Variants in NUDT22 observed in about 807,000 individuals in gnomAD.
NUDT22 encodes the protein uridine diphosphate glucose pyrophosphatase NUDT22.
Under a neutral mutation model 28.8 loss-of-function variants are expected in NUDT22, and 23 were observed. That is an observed-to-expected ratio of 0.80 (90% CI 0.58 to 1.13). NUDT22 has a LOEUF of 1.13. Ranked by LOEUF, NUDT22 falls within the 50% of genes most tolerant of loss-of-function variation. The probability of loss-of-function intolerance (pLI) is 0.00; values close to 1 mark genes in which losing one functional copy is unlikely to be tolerated. For missense variants in NUDT22, 358 were observed against 387.3 expected, an observed-to-expected ratio of 0.92 and a Z score of 0.64; for synonymous variants, 175 against 173.7, an observed-to-expected ratio of 1.01 and a Z score of -0.06.
In NUDT22 at chr11:64,226,420, T is replaced by A; in HGVS notation, c.-26T>A. On this transcript the variant is annotated 5_prime_UTR_variant, in exon 1 of 6. Transcript: ENST00000279206. ...ATTTGGGGCGCCTGAACCCAAGACCTCTGGATGGTAGGGATGCCCGGGCGT... is the reference window on the plus strand; with the variant it reads ...ATTTGGGGCGCCTGAACCCAAGACCACTGGATGGTAGGGATGCCCGGGCGT... 7.3e-7 allele frequency: 1 copy of A among 1,369,342 alleles called. No individual in the cohort carries two copies. Among genetic ancestry groups the A allele is most frequent in the Non-Finnish European group, 9.4e-7 (1 of 1,067,826 alleles). The allele number at this position is 1,369,342 out of a possible 1,614,324, so 84.8% of individuals were successfully genotyped here.
intron 5 of NUDT22, 127 bp from the exon 6 acceptor site, chr11:64,229,723 A>G: frequency 7.2e-7 from 1 of 1,383,706 alleles, no homozygotes; most frequent in East Asian, 2.3e-5. Flanking sequence ...GTCCAGGGAC[A>G]TGTTCAGCCC....
In NUDT22 at chr11:64,227,592, C is replaced by G. The variant is rs957431243; in HGVS notation, c.505C>G (p.Gln169Glu). 2 of 1,613,822 alleles carry G rather than the reference C, an allele frequency of 1.2e-6. No individual in the cohort carries two copies. Among genetic ancestry groups the G allele is most frequent in the African/African-American group, 2.7e-5 (2 of 74,934 alleles). ...PQALCPGGSPQHQDLAGQLVV... is the reference protein window; with the variant it reads ...PQALCPGGSPEHQDLAGQLVV... ...GGCCCTGTGCCCTGGTGGCAGCCCC[C>G]AGCACCAGGACCTCGCTGGGCAGCT... is the stretch of plus-strand genomic sequence containing the variant. Residue 169 changes from glutamine to glutamate, a missense_variant, in exon 3 of 6, where the codon CAG becomes GAG. Physicochemically the swap from Gln to Glu is conservative, Grantham distance 29. Coordinates refer to ENST00000279206, the MANE Select transcript of NUDT22 (RefSeq NM_032344.4).
rs746071487 is a variant in NUDT22 at position 64,229,554 on chromosome 11, T to C, written c.754T>C (p.Phe252Leu). The change falls in exon 5 of 6, where the codon TTC becomes CTC. Residue 252 changes from phenylalanine to leucine, a missense_variant. Transcript: ENST00000279206. ...CGAGGCCCACGAGTCTACAGGAATC[T>C]TCTTTGTGGAGACACAGGTGCAGAG... ...GPEAHESTGI[F>L]FVETQNVQRL... 1 of 1,614,006 alleles carries C rather than the reference T, an allele frequency of 6.2e-7. No individual in the cohort carries two copies. The highest frequency in any genetic ancestry group is 1.1e-5 in the South Asian group (1 of 91,088).
At chr11:64,230,170 T>C (rs1235609872), downstream of NUDT22, 1 of 777,424 alleles carries the variant, frequency 1.3e-6, no homozygotes, top group South Asian at 1.5e-5. Context: ...CTCCCTTTCT[T>C]TGCTGGCTCC....
chr11:64,229,852 C>A lies in NUDT22; in HGVS notation c.774C>A (p.Asn258Lys). 1 of 1,613,226 alleles carries A rather than the reference C, an allele frequency of 6.2e-7. No individual in the cohort carries two copies. The highest frequency in any genetic ancestry group is 1.3e-5 in the African/African-American group (1 of 75,038). ...STGIFFVETQ[N>K]VQRLLETEMW... is the part of the protein sequence containing the mutation. ...TGGGTCTCGTTGTCTCCCCACAGAACGTGCAGAGATTGCTCGAGACGGAGA... is the reference window on the plus strand; with the variant it reads ...TGGGTCTCGTTGTCTCCCCACAGAAAGTGCAGAGATTGCTCGAGACGGAGA... Residue 258 changes from asparagine (N) to lysine (K), a missense_variant and splice_region_variant, in exon 6 of 6, where the codon AAC (asparagine) becomes AAA (lysine). Transcript: ENST00000279206.
At position 64,227,832 on chromosome 11, in the gene NUDT22, C is replaced by T. The variant is rs139349192; in HGVS notation, c.579+166C>T. On this transcript the variant is annotated intron_variant, in intron 3 of 5. Transcript: ENST00000279206. ...ATACTTGGAGTGGAATTCTAGCCCTCAGTACCCTCTGCCTTGGATTCTTCT... is the reference window on the plus strand; with the variant it reads ...ATACTTGGAGTGGAATTCTAGCCCTTAGTACCCTCTGCCTTGGATTCTTCT... 472 of 608,872 alleles carry T rather than the reference C, an allele frequency of 7.8e-4. 3 individuals carry two copies. In the East Asian group the frequency reaches 0.013, roughly 16 times the overall value. 37.7% of individuals were successfully genotyped at this position (608,872 alleles called of 1,614,324 possible). A position where few individuals can be genotyped will look rare whatever the true frequency, so the allele number is the denominator to read the frequency against.
chr11:64,229,755 C>T, intron 5 of NUDT22, 95 bp from the exon 6 acceptor site: 5 of 1,516,382 alleles, frequency 3.3e-6, no homozygotes, highest in Non-Finnish European at 4.5e-6. Flanking sequence ...TCCCTAAGGA[C>T]AGTGCAGAGG....
chr11:64,228,355 C>A (rs949651776), intron 3 of NUDT22, among the ~76,000 whole-genome samples: 1 of 151,904 alleles, frequency 6.6e-6, no homozygotes, highest in Non-Finnish European at 1.5e-5. Context: ...CTTGCCTACT[C>A]CCCAAGTCTG....
intron 3 of NUDT22, chr11:64,227,888 T>TAGAC (rs1947087320): frequency 2.0e-6 from 1 of 503,120 alleles, no homozygotes; most frequent in East Asian, 3.6e-5. Flanking sequence ...TTTTTTTTTT[T>TAGAC]AGACAGAGTC....
Position 64,229,248 on chromosome 11 carries a change from T to G in NUDT22, c.581T>G (p.Val194Gly). The G allele has an allele frequency of 6.4e-7, 1 of 1,569,316 alleles. No individual in the cohort carries two copies. The change falls in exon 4 of 6, where the codon GTG (valine) becomes GGG (glycine). Residue 194 changes from valine to glycine, a missense_variant and splice_region_variant. Val to Gly is a moderately radical substitution (Grantham distance 109). Coordinates refer to ENST00000279206, the MANE Select transcript of NUDT22 (RefSeq NM_032344.4). ...SSVLQEICDE[V>G]NLPLLTLSQP... ...CCCCCACCCCACCCTCCACCGCAGGTGAACCTGCCGCTGCTCACCCTGAGC... is the reference window on the plus strand; with the variant it reads ...CCCCCACCCCACCCTCCACCGCAGGGGAACCTGCCGCTGCTCACCCTGAGC...
intron 3 of NUDT22, 55 bp downstream of exon 3, chr11:64,227,721 T>C: frequency 6.9e-7 from 1 of 1,445,090 alleles, no homozygotes; most frequent in Non-Finnish European, 9.7e-7. Context: ...GGGTAGGACT[T>C]GCCAGAATTC....
rs1406386594 is a variant in NUDT22 at position 64,226,877 on chromosome 11, G to T, written c.225G>T (p.Gly75=). 1 of 1,605,118 alleles carries T rather than the reference G, an allele frequency of 6.2e-7. No homozygotes were observed. Among genetic ancestry groups the T allele is most frequent in the East Asian group, 2.2e-5 (1 of 44,880 alleles). The change falls in exon 2 of 6, where the codon GGG becomes GGT. Residue 75 remains glycine, a synonymous_variant. Transcript: ENST00000279206. The part of the protein sequence containing the change: ...SATLAPIGSR[G]PQLLLRLGLT... The stretch of plus-strand genomic sequence containing the variant: ...CCCTGGCGCCTATTGGCTCTCGGGG[G>T]CCACAGCTGCTCCTGCGCCTGGGCC...
downstream of NUDT22, chr11:64,230,020 C>T: frequency 6.2e-7 from 1 of 1,605,398 alleles, no homozygotes; most frequent in Non-Finnish European, 8.5e-7. Context: ...TCTTGGATTC[C>T]GTTGGCATCT....
At chr11:64,229,667 C>T (rs1163259185) in intron 5 of NUDT22, 96 bp downstream of exon 5, 33 of 1,377,524 alleles carry the variant, frequency 2.4e-5, no homozygotes, top group Non-Finnish European at 3.0e-5. Flanking sequence ...GGCTGGGTCA[C>T]AATTCCCTCC....
At position 64,226,321 on chromosome 11, in the gene NUDT22, G is replaced by A; in HGVS notation, c.-125G>A. 1 of 1,144,744 alleles carries A rather than the reference G, an allele frequency of 8.7e-7. No individual in the cohort carries two copies. Among genetic ancestry groups the A allele is most frequent in the Non-Finnish European group, 1.1e-6 (1 of 911,322 alleles). The allele number at this position is 1,144,744 out of a possible 1,614,324, so 70.9% of individuals were successfully genotyped here. On this transcript the variant is annotated 5_prime_UTR_variant, in exon 1 of 6. Transcript: ENST00000279206. ...TGGTGAGCGCCCGCTGGAGGCTGGA[G>A]CTTCCGGGCCCTGGAAAGGGGTCCC...
Position 64,227,606 on chromosome 11 carries a change from C to T in NUDT22, c.519C>T (p.Leu173=), listed in dbSNP as rs151057740. 2.9e-5 allele frequency: 46 copies of T among 1,613,884 alleles called. No homozygotes were observed. The highest frequency in any genetic ancestry group is 2.7e-4 in the Admixed American group (16 of 60,016). ...CPGGSPQHQD[L]AGQLVVHELF... ...GTGGCAGCCCCCAGCACCAGGACCT[C>T]GCTGGGCAGCTGGTGGTACATGAAC... The change falls in exon 3 of 6, where the codon CTC becomes CTT. Residue 173 remains leucine (L), a synonymous_variant. Coordinates refer to ENST00000279206, the MANE Select transcript of NUDT22 (RefSeq NM_032344.4).
chr11:64,227,713 G>A (rs188629016), intron 3 of NUDT22, 47 bp downstream of exon 3: 1 of 1,500,802 alleles, frequency 6.7e-7, no homozygotes, highest in South Asian at 1.1e-5. Flanking sequence ...AAGGGAGGGG[G>A]TAGGACTTGC....
chr11:64,227,482 C>T (rs974716828), intron 2 of NUDT22, 86 bp from the exon 3 acceptor site: 1 of 1,034,438 alleles, frequency 9.7e-7, no homozygotes, highest in Non-Finnish European at 1.5e-6. Flanking sequence ...ATCAGACCCT[C>T]AAGGCCAGCA....
downstream of NUDT22, chr11:64,230,080 G>T: frequency 3.5e-6 from 4 of 1,144,328 alleles, no homozygotes; most frequent in Non-Finnish European, 3.8e-6. Flanking sequence ...TGTAAGGCAG[G>T]ACAAGTGACT....
Sources: allele counts gnomAD v4.1 joint callset (sites outside exome capture counted in the v4.1 genomes callset), GRCh38; gene constraint gnomAD v4.1.1; transcripts MANE v1.5; gene names NCBI Gene and HGNC (gene_info 2026-07-23, HGNC 2026-07-21).